The following COL20A1 variants were observed in gnomAD, a reference collection of about 807,000 sequenced individuals.
COL20A1 encodes collagen type XX alpha 1 chain, also known as collagen alpha-1(XX) chain.
In COL20A1, 164 loss-of-function variants were observed where a neutral mutation model predicts 152.9. The ratio of observed to expected loss-of-function variants is 1.07; its 90% CI spans 0.94 to 1.22. COL20A1 has a LOEUF of 1.22. Among genes scored for constraint, COL20A1 ranks in the 50% most tolerant of loss-of-function variants. The pLI, the probability that COL20A1 is intolerant of heterozygous loss-of-function variation, is 0.00. For missense variants in COL20A1, 1,873 were observed against 1,744.8 expected, an observed-to-expected ratio of 1.07 and a Z score of -1.31; for synonymous variants, 864 against 756.0, an observed-to-expected ratio of 1.14 and a Z score of -2.34.
rs1280750360 is a variant in COL20A1 at position 63,333,789 on chromosome 20, G to A, written c.*3073G>A. The A allele has an allele frequency of 1.3e-5, 2 of 152,348 alleles. No individual in the cohort carries two copies. Among genetic ancestry groups the A allele is most frequent in the Non-Finnish European group, 2.9e-5 (2 of 68,142 alleles). The allele number at this position is 152,348 out of a possible 1,614,324, so 9.4% of individuals were successfully genotyped here. ...GGCAGTGTCAGAAATGGAAGCTGAG[G>A]AAACCCAACCCCAGCTGTAGAGGAG... On this transcript the variant is annotated 3_prime_UTR_variant, in exon 36 of 36. Coordinates refer to ENST00000358894, the MANE Select transcript of COL20A1 (RefSeq NM_020882.4).
intron 1 of COL20A1, among the ~76,000 whole-genome samples, chr20:63,293,977 AC>A (rs2067749433): frequency 1.4e-5 from 2 of 145,184 alleles, no homozygotes; most frequent in Non-Finnish European, 1.5e-5. Context: ...GGCTCACAGA[AC>A]CAGGGCCTGC....
chr20:63,320,460 G>C, intron 25 of COL20A1, 92 bp downstream of exon 25: 1 of 1,232,170 alleles, frequency 8.1e-7, no homozygotes, highest in Non-Finnish European at 1.2e-6. Flanking sequence ...GGCCTGTCCA[G>C]ATTGTCACCG....
Position 63,319,868 on chromosome 20 carries a change from G to A in COL20A1, c.2917-171G>A, listed in dbSNP as rs1051675469. ...TCCATTTTACAGAGGGGAAGCCGAG[G>A]CCCAGCAAGGGGGGGTTCTCCCAGG... On this transcript the variant is annotated intron_variant, in intron 23 of 35. Coordinates refer to ENST00000358894, the MANE Select transcript of COL20A1 (RefSeq NM_020882.4). The surrounding 1 kb of genome is among the most constrained non-coding windows in gnomAD (Gnocchi z 4.4). 3.3e-5 allele frequency among the ~76,000 whole-genome samples: 5 copies of A among 152,164 alleles called. No homozygotes were observed. The highest frequency in any genetic ancestry group is 9.7e-5 in the African/African-American group (4 of 41,446).
Position 63,316,411 on chromosome 20 carries a change from C to T in COL20A1, c.2525-142C>T, listed in dbSNP as rs983435352. ...ACCCCCCAGCCCCTGTGCTGACTTC[C>T]CACCCACGCCGCTCCGTCACCCCTC... On this transcript the variant is annotated intron_variant, in intron 20 of 35. Coordinates refer to ENST00000358894, the MANE Select transcript of COL20A1 (RefSeq NM_020882.4). 6 of 500,138 alleles carry T rather than the reference C, an allele frequency of 1.2e-5. No individual in the cohort carries two copies. The Admixed American group carries it at 2.3e-4, about 19-fold the overall frequency. The allele number at this position is 500,138 out of a possible 1,614,324, so 31.0% of individuals were successfully genotyped here. A position where few individuals can be genotyped will look rare whatever the true frequency, so the allele number is the denominator to read the frequency against.
Position 63,315,441 on chromosome 20 carries a change from T to G in COL20A1, c.2524+2T>G, listed in dbSNP as rs1286052156. 6.4e-7 allele frequency: 1 copy of G among 1,573,476 alleles called. No individual in the cohort carries two copies. Among genetic ancestry groups the G allele is most frequent in the East Asian group, 2.3e-5 (1 of 43,056 alleles). On this transcript the variant is annotated splice_donor_variant, in intron 20 of 35. Coordinates refer to ENST00000358894, the MANE Select transcript of COL20A1 (RefSeq NM_020882.4). LOFTEE classifies it high-confidence loss of function. ...TCCGCCCTGACGGCTCCCTCCCAGG[T>G]GGGTCCTGCATGCCCTCCCCTGCCT... is the stretch of plus-strand genomic sequence containing the variant.
Position 63,311,607 on chromosome 20 carries a change from G to T in COL20A1, c.1540-18G>T. 1 of 1,610,576 alleles carries T rather than the reference G, an allele frequency of 6.2e-7. No individual in the cohort carries two copies. The highest frequency in any genetic ancestry group is 8.5e-7 in the Non-Finnish European group (1 of 1,179,638). Reference sequence around the variant, plus strand: ...GCAGAGCGAGTGGGGGCTGGCCTGGGACGTCATGTCTCTGCAGGTGCAGGT... The same window carrying T: ...GCAGAGCGAGTGGGGGCTGGCCTGGTACGTCATGTCTCTGCAGGTGCAGGT... On this transcript the variant is annotated intron_variant, in intron 12 of 35. Transcript: ENST00000358894. The surrounding 1 kb of genome is among the most constrained non-coding windows in gnomAD (Gnocchi z 4.4).
chr20:63,304,198 T>C (rs2067894316), intron 3 of COL20A1, among the ~76,000 whole-genome samples: 5 of 103,954 alleles, frequency 4.8e-5, no homozygotes, highest in East Asian at 3.4e-4. Context: ...CATGTGTGGG[T>C]TCCTCCCTCC....
At position 63,314,220 on chromosome 20, in the gene COL20A1, C is replaced by A. The variant is rs2068055711; in HGVS notation, c.2488+19C>A. The A allele has an allele frequency of 1.9e-6, 3 of 1,550,334 alleles. No homozygotes were observed. Among genetic ancestry groups the A allele is most frequent in the East Asian group, 4.9e-5 (2 of 41,018 alleles). ...CAGACAGGTGAGTGGGCACCAAGAC[C>A]CCAGACCCAGGTAGACCCAGCCCCA... On this transcript the variant is annotated intron_variant, in intron 19 of 35. Transcript: ENST00000358894.
intron 19 of COL20A1, among the ~76,000 whole-genome samples, chr20:63,315,151 T>C (rs113536487): frequency 0.07 from 10,734 of 152,316 alleles, 443 homozygotes; most frequent in South Asian, 0.11. Flanking sequence ...CGGGGCCCAC[T>C]GGGCTGTCTT....
rs781459007 is a variant in COL20A1, at chr20:63,327,973, G to A, written c.3550G>A (p.Glu1184Lys). The A allele has an allele frequency of 1.9e-6, 3 of 1,606,078 alleles. No individual in the cohort carries two copies. The Admixed American group carries it at 5.1e-5, about 27-fold the overall frequency. ...TCAGGGACTGCCAGGGCCCAAAGGG[G>A]AACGAGGAGAGAAGGTAAGTGAGGC... is the stretch of plus-strand genomic sequence containing the variant. ...GPTGLPGPKG[E>K]RGEKGEPQSL... Residue 1184 changes from glutamate (E) to lysine (K), a missense_variant, in exon 32 of 36, where the codon GAA becomes AAA. Glu to Lys is a moderately conservative substitution (Grantham distance 56). Coordinates refer to ENST00000358894, the MANE Select transcript of COL20A1 (RefSeq NM_020882.4).
chr20:63,308,072 G>T lies in COL20A1; in HGVS notation c.757G>T (p.Gly253Trp), dbSNP rs188732284. The change falls in exon 7 of 36, where the codon GGG (glycine) becomes TGG (tryptophan). Residue 253 changes from glycine (G) to tryptophan (W), a missense_variant. By Grantham distance (184) the Gly-to-Trp change is radical. Transcript: ENST00000358894. The stretch of plus-strand genomic sequence containing the variant: ...AGCTGTGCGCCGCCTCCGCTACAAG[G>T]GGGGGAACACGTTCACAGGTACGGC... ...LAAVRRLRYK[G>W]GNTFTGLALT... 5 of 1,611,664 alleles carry T rather than the reference G, an allele frequency of 3.1e-6. No individual in the cohort carries two copies. Among genetic ancestry groups the T allele is most frequent in the South Asian group, 1.1e-5 (1 of 91,082 alleles).
rs546946907 is a variant in COL20A1, at chr20:63,294,673, A to G, written c.-10-425A>G. Reference sequence around the variant, plus strand: ...GAGGCTGGGGCCACAGGGACTCCACATGTCCAGCAATCAGACATTGCCTGG... The same window carrying G: ...GAGGCTGGGGCCACAGGGACTCCACGTGTCCAGCAATCAGACATTGCCTGG... On this transcript the variant is annotated intron_variant, in intron 1 of 35. Transcript: ENST00000358894. Among the ~76,000 whole-genome samples, 234 of 152,162 alleles carry G rather than the reference A, an allele frequency of 1.5e-3. 1 individual carries two copies. The highest frequency in any genetic ancestry group is 5.4e-3 in the African/African-American group (223 of 41,506).
chr20:63,296,534 C>T (rs2067795972), intron 2 of COL20A1, among the ~76,000 whole-genome samples: 1 of 152,180 alleles, frequency 6.6e-6, no homozygotes, highest in South Asian at 2.1e-4. Context: ...GGCCACAGTC[C>T]AGGGAGGGGA....
chr20:63,325,780 G>T, intron 29 of COL20A1, 59 bp downstream of exon 29: 1 of 1,507,788 alleles, frequency 6.6e-7, no homozygotes, highest in Non-Finnish European at 9.2e-7. Context: ...CTGGGGACGG[G>T]GGGCCTTGGA....
At chr20:63,299,330 A>G (rs1447462164) in intron 3 of COL20A1, among the ~76,000 whole-genome samples, 1 of 152,198 alleles carries the variant, frequency 6.6e-6, no homozygotes, top group Admixed American at 6.5e-5. Context: ...GGGTCGTGCC[A>G]GTGTATACTC....
chr20:63,319,685 TC>T lies in COL20A1; in HGVS notation c.2916+92del. ...GGGACCTGCCGGATGCCAACTCCTC[TC>T]CCTAGGAGAGCAGGACCTTCCTTGG... On this transcript the variant is annotated intron_variant, in intron 23 of 35. Transcript: ENST00000358894. This position sits in a 1 kb window ranked among gnomAD's most constrained non-coding sequence, Gnocchi z 4.4. 1.2e-6 allele frequency: 1 copy of T among 837,708 alleles called. No homozygotes were observed. The highest frequency in any genetic ancestry group is 1.9e-6 in the Non-Finnish European group (1 of 521,984). 51.9% of individuals were successfully genotyped at this position (837,708 alleles called of 1,614,324 possible). A position where few individuals can be genotyped will look rare whatever the true frequency, so the allele number is the denominator to read the frequency against.
chr20:63,330,036 G>T (rs897410428), intron 35 of COL20A1, among the ~76,000 whole-genome samples: 3 of 152,080 alleles, frequency 2.0e-5, no homozygotes, highest in Non-Finnish European at 4.4e-5. Flanking sequence ...TGCTCAGTGG[G>T]CACCTGGTCC....
At position 63,313,238 on chromosome 20, in the gene COL20A1, G is replaced by T. The variant is rs541081243; in HGVS notation, c.2198G>T (p.Arg733Leu). 2.5e-6 allele frequency: 4 copies of T among 1,609,978 alleles called. No individual in the cohort carries two copies. The East Asian group carries it at 8.9e-5, about 36-fold the overall frequency. ...DGARSDPVSL[R>L]YTPSTVSRSP... Reference sequence around the variant, plus strand: ...GCCCGCAGTGACCCTGTGTCCCTCCGCTATACCCCCTGTAGGTGCCCCTCC... The same window carrying T: ...GCCCGCAGTGACCCTGTGTCCCTCCTCTATACCCCCTGTAGGTGCCCCTCC... Residue 733 changes from arginine to leucine, a missense_variant, in exon 17 of 36, where the codon CGC becomes CTC. Coordinates refer to ENST00000358894, the MANE Select transcript of COL20A1 (RefSeq NM_020882.4). This position sits in a 1 kb window ranked among gnomAD's most constrained non-coding sequence, Gnocchi z 5.9.
chr20:63,311,984 G>A lies in COL20A1; in HGVS notation c.1732G>A (p.Glu578Lys). Reference protein sequence around the residue: ...VSHDAARVFWEGAPRPVRLVR... With the variant: ...VSHDAARVFWKGAPRPVRLVR... ...CCACGACGCGGCACGAGTGTTCTGGGAGGGTGCCCCGAGGCCTGTGCGCCT... is the reference window on the plus strand; with the variant it reads ...CCACGACGCGGCACGAGTGTTCTGGAAGGGTGCCCCGAGGCCTGTGCGCCT... The change falls in exon 14 of 36, where the codon GAG becomes AAG. Residue 578 changes from glutamate to lysine, a missense_variant. Glu to Lys is a moderately conservative substitution (Grantham distance 56, BLOSUM62 1). Transcript: ENST00000358894. The surrounding 1 kb of genome is among the most constrained non-coding windows in gnomAD (Gnocchi z 4.4). The A allele has an allele frequency of 6.2e-7, 1 of 1,604,388 alleles. No homozygotes were observed. The highest frequency in any genetic ancestry group is 8.5e-7 in the Non-Finnish European group (1 of 1,176,900).
Sources: allele counts gnomAD v4.1 joint callset (sites outside exome capture counted in the v4.1 genomes callset), GRCh38; gene constraint gnomAD v4.1.1; non-coding constraint Gnocchi (gnomAD v3.1); transcripts MANE v1.5; gene names NCBI Gene and HGNC (gene_info 2026-07-23, HGNC 2026-07-21).